LRP6: variants seen among roughly 807,000 people sequenced by gnomAD.
LRP6 encodes low-density lipoprotein receptor-related protein 6.
LRP6 carries 43 observed loss-of-function variants against 184.1 expected under a neutral mutation model. The observed-to-expected ratio is 0.23, with a 90% confidence interval of 0.18 to 0.30. The LOEUF (loss-of-function observed/expected upper bound fraction) is 0.30, where lower values mean the gene tolerates loss of function less well. Among genes scored for constraint, LRP6 ranks in the 10% least tolerant of loss-of-function variants. The pLI is 1.00. For synonymous variants in LRP6, 719 were observed against 684.9 expected (o/e 1.05, Z -0.78); for missense variants, 1,571 against 2,005.3 (o/e 0.78, Z 4.14).
chr12:12,174,979 G>A (rs886523323), intron 7 of LRP6, among the ~76,000 whole-genome samples: 6 of 152,178 alleles, frequency 3.9e-5, no homozygotes, highest in African/African-American at 1.4e-4. Context: ...AAATACACAT[G>A]TTCTTACAGT....
intron 1 of LRP6, chr12:12,248,963 A>G: frequency 2.1e-6 from 1 of 486,994 alleles, no homozygotes; most frequent in Middle Eastern, 5.8e-4. Context: ...ATAAAAAATT[A>G]AAGTTCACAA....
intron 2 of LRP6, among the ~76,000 whole-genome samples, chr12:12,227,608 C>T (rs1864664502): frequency 6.6e-6 from 1 of 152,030 alleles, no homozygotes; most frequent in Admixed American, 6.6e-5. Context: ...GGGGTTTCAC[C>T]ATGTTGGCCA....
Position 12,244,322 on chromosome 12 carries a change from T to C in LRP6, c.389A>G (p.Lys130Arg). ...EVSNLDGSLR[K>R]VLFWQELDQP... The stretch of plus-strand genomic sequence containing the variant: ...ATCCAACTCTTGCCAAAATAAAACT[T>C]TTCGTAAAGATCCATCTAAATTAGA... The change falls in exon 2 of 23, where the codon AAA becomes AGA. Residue 130 changes from lysine (K) to arginine (R), a missense_variant. Coordinates refer to ENST00000261349, the MANE Select transcript of LRP6 (RefSeq NM_002336.3). 6.2e-7 allele frequency: 1 copy of C among 1,614,118 alleles called. No homozygotes were observed. Among genetic ancestry groups the C allele is most frequent in the South Asian group, 1.1e-5 (1 of 91,082 alleles).
chr12:12,178,733 T>C (rs574981542), intron 7 of LRP6, among the ~76,000 whole-genome samples: 17 of 152,204 alleles, frequency 1.1e-4, no homozygotes, highest in Admixed American at 3.3e-4. Context: ...AGGGAGAAAA[T>C]TTATGGAGTC....
intron 15 of LRP6, among the ~76,000 whole-genome samples, chr12:12,142,946 T>C (rs1307630125): frequency 1.3e-5 from 2 of 152,008 alleles, no homozygotes; most frequent in Non-Finnish European, 2.9e-5. Flanking sequence ...TATTCAACAC[T>C]GTACTGGGGG....
chr12:12,165,334 G>T (rs1448287790), intron 7 of LRP6, 39 bp from the exon 8 acceptor site: 1 of 1,386,938 alleles, frequency 7.2e-7, no homozygotes, highest in African/African-American at 1.4e-5. Context: ...GATGAATTAT[G>T]CATTTATTCT....
chr12:12,139,723 A>G (rs79865265), intron 15 of LRP6, among the ~76,000 whole-genome samples: 4 of 149,860 alleles, frequency 2.7e-5, no homozygotes, highest in Non-Finnish European at 6.0e-5. Context: ...CTGTCTCAGG[A>G]AAAAAAAAAG....
At chr12:12,245,012 G>A (rs148910098) in intron 1 of LRP6, among the ~76,000 whole-genome samples, 16 of 152,298 alleles carry the variant, frequency 1.1e-4, no homozygotes, top group African/African-American at 3.6e-4. Context: ...TGGGAAAACA[G>A]TTTGGCAGTT....
intron 2 of LRP6, among the ~76,000 whole-genome samples, chr12:12,243,855 A>G (rs1307399299): frequency 6.6e-6 from 1 of 152,082 alleles, no homozygotes; most frequent in East Asian, 1.9e-4. Context: ...GGTTCAAGTG[A>G]TTTTCGTGCC....
intron 2 of LRP6, chr12:12,211,066 A>G (rs1174018342): frequency 6.6e-6 from 1 of 152,204 alleles, no homozygotes; most frequent in East Asian, 1.9e-4. Flanking sequence ...GAAATTAATA[A>G]AAGAGGATAG....
intron 4 of LRP6, 131 bp downstream of exon 4, chr12:12,186,792 T>G (rs924849209): frequency 3.5e-6 from 3 of 850,080 alleles, no homozygotes; most frequent in Non-Finnish European, 3.9e-6. Context: ...CCAAGTAGGA[T>G]TTTAACTCTT....
At chr12:12,247,884 TCAGGAATCC>T (rs1865227618) in intron 1 of LRP6, among the ~76,000 whole-genome samples, 1 of 152,178 alleles carries the variant, frequency 6.6e-6, no homozygotes, top group Admixed American at 6.5e-5. Context: ...CTCACAGTGC[TCAGGAATCC>T]TTGTTTTCCT....
intron 8 of LRP6, 27 bp from the exon 9 acceptor site, chr12:12,164,589 C>T: frequency 4.4e-6 from 7 of 1,606,738 alleles, no homozygotes; most frequent in Non-Finnish European, 5.1e-6. Flanking sequence ...AAAAGGGGCA[C>T]AGAAGGACAC....
At chr12:12,151,559 A>G (rs1045049975) in intron 12 of LRP6, among the ~76,000 whole-genome samples, 39 of 152,202 alleles carry the variant, frequency 2.6e-4, no homozygotes, top group African/African-American at 9.4e-4. Flanking sequence ...TCTAGGCCAA[A>G]GTTTACTCAG....
intron 17 of LRP6, among the ~76,000 whole-genome samples, chr12:12,133,081 T>C (rs991481607): frequency 6.6e-6 from 1 of 152,250 alleles, no homozygotes; most frequent in African/African-American, 2.4e-5. Context: ...GCCTATTATG[T>C]ATTCAGCACT....
intron 3 of LRP6, among the ~76,000 whole-genome samples, chr12:12,191,843 G>A (rs1157187409): frequency 6.6e-6 from 1 of 150,878 alleles, no homozygotes; most frequent in Non-Finnish European, 1.5e-5. Flanking sequence ...AAAATGAAAA[G>A]GAAGAAATAT....
chr12:12,164,557 T>C lies in LRP6; in HGVS notation c.1768A>G (p.Asn590Asp). The C allele has an allele frequency of 6.2e-7, 1 of 1,614,096 alleles. No homozygotes were observed. The highest frequency in any genetic ancestry group is 8.5e-7 in the Non-Finnish European group (1 of 1,180,010). The change falls in exon 9 of 23, where the codon AAC becomes GAC. Residue 590 changes from asparagine to aspartate, a missense_variant. By Grantham distance (23) the Asn-to-Asp change is conservative (BLOSUM62 1). Around this residue, in one of 4 missense-constraint regions of LRP6, gnomAD observed 640 missense variants for 851.9 expected, o/e 0.75. Transcript: ENST00000261349. ...CCCCCGTTTTCCTCAGCACAGGGGTTGGAACCTAAAAGATTAATTATAAAA... is the reference window on the plus strand; with the variant it reads ...CCCCCGTTTTCCTCAGCACAGGGGTCGGAACCTAAAAGATTAATTATAAAA... The part of the protein sequence containing the change: ...ATNVHRVIGS[N>D]PCAEENGGCS...
At chr12:12,156,492 G>C (rs927643864) in intron 12 of LRP6, among the ~76,000 whole-genome samples, 1 of 152,196 alleles carries the variant, frequency 6.6e-6, no homozygotes, top group South Asian at 2.1e-4. Context: ...GACCCAGTAG[G>C]CCATTATAAG....
At chr12:12,235,430 T>C (rs547417284) in intron 2 of LRP6, among the ~76,000 whole-genome samples, 9 of 152,158 alleles carry the variant, frequency 5.9e-5, no homozygotes, top group African/African-American at 1.9e-4. Context: ...CTAAACTAAA[T>C]ACAATAAAAG....
Sources: allele counts gnomAD v4.1 joint callset (sites outside exome capture counted in the v4.1 genomes callset), GRCh38; gene constraint gnomAD v4.1.1; regional missense constraint gnomAD v4.1.1; transcripts MANE v1.5; gene names NCBI Gene and HGNC (gene_info 2026-07-23, HGNC 2026-07-21).